Variants in OVCH2 observed in about 807,000 individuals in gnomAD.
OVCH2 encodes the protein ovochymase-2.
OVCH2 carries 88 observed loss-of-function variants against 73.7 expected under a neutral mutation model. The ratio of observed to expected loss-of-function variants is 1.19; its 90% CI spans 1.01 to 1.43. The LOEUF (loss-of-function observed/expected upper bound fraction) is 1.43. Among genes scored for constraint, OVCH2 ranks in the 40% most tolerant of loss-of-function variants. The pLI is 0.00. For synonymous variants in OVCH2, 265 were observed against 234.5 expected (o/e 1.13, Z -1.19); for missense variants, 706 against 674.5 (o/e 1.05, Z -0.52).
At position 7,706,454 on chromosome 11, in the gene OVCH2, A is replaced by G. The variant is rs1025435107; in HGVS notation, c.-60T>C. 2 of 1,513,584 alleles carry G rather than the reference A, an allele frequency of 1.3e-6. No homozygotes were observed. Among genetic ancestry groups the G allele is most frequent in the East Asian group, 4.9e-5 (2 of 40,484 alleles). The allele number at this position is 1,513,584 out of a possible 1,614,324, so 93.8% of individuals were successfully genotyped here. ...GAGACTAAAGCAAACAAAAATAGGAAGCCTTGAGAGACCAGCAATAAGCCA... is the reference window on the plus strand; with the variant it reads ...GAGACTAAAGCAAACAAAAATAGGAGGCCTTGAGAGACCAGCAATAAGCCA... On this transcript the variant is annotated 5_prime_UTR_variant, in exon 1 of 16. Coordinates refer to ENST00000533663, the MANE Select transcript of OVCH2 (RefSeq NM_198185.7).
At chr11:7,680,838 T>G in the OVCH2 span, among the ~76,000 whole-genome samples, 8 of 152,384 alleles carry the variant, frequency 5.2e-5, no homozygotes, top group African/African-American at 1.9e-4. Flanking sequence ...ATGATTGTTT[T>G]TGTCTCAGAG....
chr11:7,688,849 G>A (rs1856171123), downstream of OVCH2, among the ~76,000 whole-genome samples: 1 of 152,214 alleles, frequency 6.6e-6, no homozygotes, highest in Admixed American at 6.5e-5. Flanking sequence ...ATTGGCACTA[G>A]AACATAGTAG....
At chr11:7,693,205 ACT>A (rs1472249157) in intron 12 of OVCH2, among the ~76,000 whole-genome samples, 3 of 152,204 alleles carry the variant, frequency 2.0e-5, no homozygotes, top group African/African-American at 7.2e-5. Flanking sequence ...TGGGACCCAG[ACT>A]CTGAGCAAGA....
At chr11:7,680,188 C>T in the OVCH2 span, among the ~76,000 whole-genome samples, 4 of 152,046 alleles carry the variant, frequency 2.6e-5, no homozygotes, top group East Asian at 1.9e-4. Context: ...GACTGGCATC[C>T]GAGGTGGGTG....
At chr11:7,694,727 C>T (rs1263053600) in intron 12 of OVCH2, among the ~76,000 whole-genome samples, 1 of 151,840 alleles carries the variant, frequency 6.6e-6, no homozygotes, top group African/African-American at 2.4e-5. Flanking sequence ...AAGCAATTCT[C>T]CAGCCTCCCG....
At chr11:7,684,547 A>C (rs1856122813), downstream of OVCH2, among the ~76,000 whole-genome samples, 1 of 144,484 alleles carries the variant, frequency 6.9e-6, no homozygotes. Flanking sequence ...TGTGTGTATT[A>C]CGGTTCTTAA....
the OVCH2 span, among the ~76,000 whole-genome samples, chr11:7,680,421 A>T: frequency 6.6e-6 from 1 of 152,194 alleles, no homozygotes; most frequent in African/African-American, 2.4e-5. Flanking sequence ...TCAAACTGCA[A>T]TTAATTTAAA....
At position 7,701,512 on chromosome 11, in the gene OVCH2, C is replaced by G. The variant is rs1461490339; in HGVS notation, c.560-37G>C. ...AGAGATGGAAGCCCCAGCAGGAACT[C>G]TTTCACCCTTTCTGAGTTGAAGATG... On this transcript the variant is annotated intron_variant, in intron 5 of 15. Coordinates refer to ENST00000533663, the MANE Select transcript of OVCH2 (RefSeq NM_198185.7). 5 of 1,591,952 alleles carry G rather than the reference C, an allele frequency of 3.1e-6. No individual in the cohort carries two copies. The African/African-American group carries it at 6.8e-5, about 21-fold the overall frequency.
At chr11:7,680,366 T>G in the OVCH2 span, among the ~76,000 whole-genome samples, 1 of 152,138 alleles carries the variant, frequency 6.6e-6, no homozygotes, top group African/African-American at 2.4e-5. Context: ...GAAGTGTTGA[T>G]CATTGAGGGA....
chr11:7,705,815 T>C (rs1232640705), intron 1 of OVCH2, among the ~76,000 whole-genome samples: 1 of 152,148 alleles, frequency 6.6e-6, no homozygotes, highest in Non-Finnish European at 1.5e-5. Flanking sequence ...ATTCTCAGGG[T>C]TGGCACAAGT....
intron 10 of OVCH2, among the ~76,000 whole-genome samples, chr11:7,695,961 T>C (rs552868971): frequency 6.6e-6 from 1 of 152,288 alleles, no homozygotes; most frequent in African/African-American, 2.4e-5. Context: ...AACTGAAAAA[T>C]GCTTCTCATT....
downstream of OVCH2, among the ~76,000 whole-genome samples, chr11:7,685,737 A>T (rs12295163): frequency 1.3e-4 from 20 of 151,838 alleles, no homozygotes; most frequent in African/African-American, 4.6e-4. Context: ...TCTTCAATGA[A>T]GCTGGGATGC....
intron 11 of OVCH2, 138 bp from the exon 12 acceptor site, chr11:7,695,326 A>G (rs1439438240): frequency 1.3e-5 from 15 of 1,118,630 alleles, no homozygotes; most frequent in African/African-American, 8.0e-5. Flanking sequence ...GACGTAGTGC[A>G]TGATTCTCCA....
chr11:7,696,873 CA>C, intron 8 of OVCH2, 74 bp from the exon 9 acceptor site: 1 of 1,341,426 alleles, frequency 7.5e-7, no homozygotes. Flanking sequence ...CCAGAAGCTG[CA>C]AACACCATAG....
chr11:7,695,512 G>C, intron 11 of OVCH2, 58 bp downstream of exon 11: 1 of 1,501,416 alleles, frequency 6.7e-7, no homozygotes, highest in East Asian at 2.3e-5. Flanking sequence ...AATTCCTATG[G>C]GGCCTAAGCT....
At chr11:7,691,802 C>CAGGAAGATGG in intron 13 of OVCH2, 100 bp downstream of exon 13, 1 of 876,918 alleles carries the variant, frequency 1.1e-6, no homozygotes, top group East Asian at 2.7e-5. Context: ...GGAGGTGGTG[C>CAGGAAGATGG]AGGAAGATGG....
chr11:7,681,344 C>G, the OVCH2 span, among the ~76,000 whole-genome samples: 1 of 152,276 alleles, frequency 6.6e-6, no homozygotes, highest in East Asian at 1.9e-4. Context: ...CAATATTTTG[C>G]TTTCTGGAAT....
In OVCH2 at chr11:7,700,341, C is replaced by T. The variant is rs1856412059; in HGVS notation, c.856G>A (p.Asp286Asn). ...ATCCAGGGAAGCACTTTACTAATGT[C>T]TGTGAAGATCCCAGGGGATCCTTGA... ...SDQGSPGIFT[D>N]ISKVLPWIHE... is the part of the protein sequence containing the mutation. Residue 286 changes from aspartate to asparagine, a missense_variant, in exon 7 of 16, where the codon GAC becomes AAC. Transcript: ENST00000533663. 1 of 1,613,758 alleles carries T rather than the reference C, an allele frequency of 6.2e-7. No individual in the cohort carries two copies. The highest frequency in any genetic ancestry group is 1.1e-5 in the South Asian group (1 of 91,074).
At chr11:7,696,384 G>A in intron 10 of OVCH2, 81 bp downstream of exon 10, 1 of 1,551,980 alleles carries the variant, frequency 6.4e-7, no homozygotes, top group East Asian at 2.3e-5. Flanking sequence ...ACAGATGGCT[G>A]AGTGCCAGAC....
Sources: allele counts gnomAD v4.1 joint callset (sites outside exome capture counted in the v4.1 genomes callset), GRCh38; gene constraint gnomAD v4.1.1; transcripts MANE v1.5; gene names NCBI Gene and HGNC (gene_info 2026-07-23, HGNC 2026-07-21).